Variants in MED20 observed in about 807,000 individuals in gnomAD.
MED20 encodes the protein mediator complex subunit 20.
In MED20, 19 loss-of-function variants were observed where a neutral mutation model predicts 19.7. The ratio of observed to expected loss-of-function variants is 0.96; its 90% CI spans 0.67 to 1.42. MED20 has a LOEUF of 1.42. Among genes scored for constraint, MED20 ranks in the 40% most tolerant of loss-of-function variants. The pLI, the probability that MED20 is intolerant of heterozygous loss-of-function variation, is 0.00. For synonymous variants in MED20, 105 were observed against 104.8 expected (o/e 1.00, Z -0.01); for missense variants, 225 against 273.0 (o/e 0.82, Z 1.24).
chr6:41,910,752 C>T (rs1775172920), intron 2 of MED20, among the ~76,000 whole-genome samples: 1 of 151,936 alleles, frequency 6.6e-6, no homozygotes, highest in African/African-American at 2.4e-5. Flanking sequence ...ATAAGCCATT[C>T]CCAACACTTT....
chr6:41,919,675 A>C (rs1324298921), intron 1 of MED20, among the ~76,000 whole-genome samples: 1 of 152,170 alleles, frequency 6.6e-6, no homozygotes, highest in Admixed American at 6.5e-5. Context: ...CATGTCTATA[A>C]TGCCAATACT....
chr6:41,910,163 C>A (rs947225839), intron 2 of MED20, among the ~76,000 whole-genome samples: 7 of 152,174 alleles, frequency 4.6e-5, no homozygotes, highest in Non-Finnish European at 1.0e-4. Context: ...GTCTAGCCAA[C>A]TTGGGAAGCA....
chr6:41,918,012 A>G (rs1775359566), intron 1 of MED20: 1 of 274,512 alleles, frequency 3.6e-6, no homozygotes, highest in South Asian at 3.2e-5. Flanking sequence ...GAATGGAACA[A>G]AACAAAAAAA....
At position 41,909,061 on chromosome 6, in the gene MED20, G is replaced by A. The variant is rs919870062; in HGVS notation, c.423+208C>T. 35 of 636,978 alleles carry A rather than the reference G, an allele frequency of 5.5e-5. No homozygotes were observed. In the African/African-American group the frequency reaches 5.9e-4, roughly 11 times the overall value. 39.5% of individuals were successfully genotyped at this position (636,978 alleles called of 1,614,324 possible). On this transcript the variant is annotated intron_variant, in intron 3 of 3. Coordinates refer to ENST00000265350, the MANE Select transcript of MED20 (RefSeq NM_004275.5). ...TTTAATTCGGTGGGTGTAGTCCCAG[G>A]TACTTGGGAGACTGAGGCGGAAGGA...
intron 1 of MED20, among the ~76,000 whole-genome samples, chr6:41,920,335 T>G (rs900635776): frequency 4.6e-5 from 7 of 152,170 alleles, no homozygotes; most frequent in Non-Finnish European, 8.8e-5. Context: ...CGGGTCTAAC[T>G]GTATTTGATG....
At chr6:41,909,000 T>C (rs1310219604) in intron 3 of MED20, 4 of 492,678 alleles carry the variant, frequency 8.1e-6, no homozygotes, top group Admixed American at 7.2e-5. Context: ...CTGGGCAACA[T>C]AGTAAGACCT....
chr6:41,909,600 G>C, intron 2 of MED20, 78 bp from the exon 3 acceptor site: 1 of 1,565,382 alleles, frequency 6.4e-7, no homozygotes, highest in Non-Finnish European at 8.7e-7. Flanking sequence ...GACTCCCCCC[G>C]GAATGAGGCC....
rs1390932182 is a variant in MED20, at chr6:41,907,084, A to G, written c.627T>C (p.Ala209=). The G allele has an allele frequency of 6.2e-7, 1 of 1,613,452 alleles. No individual in the cohort carries two copies. The change falls in exon 4 of 4, where the codon GCT becomes GCC. Residue 209 remains alanine (A), a synonymous_variant. Coordinates refer to ENST00000265350, the MANE Select transcript of MED20 (RefSeq NM_004275.5). The part of the protein sequence containing the change: ...KIRKQQQVPV[A]GIR Reference sequence around the variant, plus strand: ...CAGCTGCTCATCACTAACGAATCCCAGCCACCGGCACCTGCTGCTGCTTGC... The same window carrying G: ...CAGCTGCTCATCACTAACGAATCCCGGCCACCGGCACCTGCTGCTGCTTGC...
intron 2 of MED20, among the ~76,000 whole-genome samples, chr6:41,915,684 G>A (rs1295215778): frequency 6.6e-6 from 1 of 151,922 alleles, no homozygotes; most frequent in East Asian, 1.9e-4. Context: ...CTACTTGGGA[G>A]GCTGAGGCAG....
At chr6:41,909,020 T>TAA (rs374330646) in intron 3 of MED20, 631 of 438,276 alleles carry the variant, frequency 1.4e-3, no homozygotes, top group South Asian at 3.9e-3. Flanking sequence ...TCATTTCTAC[T>TAA]AAAAAAAAAA....
At position 41,909,383 on chromosome 6, in the gene MED20, C is replaced by T. The variant is rs1378632849; in HGVS notation, c.309G>A (p.Gln103=). The change falls in exon 3 of 4, where the codon CAG becomes CAA. Residue 103 remains glutamine, a synonymous_variant. Transcript: ENST00000265350. ...TCTCAATCTTGCTGGCCTTAGCACT[C>T]TGGAAAAAGCCCTTGAGCTTCACCA... The part of the protein sequence containing the change: ...VLMVKLKGFF[Q]SAKASKIETR... 1 of 1,614,094 alleles carries T rather than the reference C, an allele frequency of 6.2e-7. No homozygotes were observed. The highest frequency in any genetic ancestry group is 8.5e-7 in the Non-Finnish European group (1 of 1,180,046).
chr6:41,915,789 A>AACACACACACACACACACACACACAC (rs34924867), intron 2 of MED20, among the ~76,000 whole-genome samples: 2,749 of 148,634 alleles, frequency 0.018, 43 homozygotes, highest in Middle Eastern at 0.049. Flanking sequence ...TCCGTCTCAA[A>AACACACACACACACACACACACACAC]ACACACACAC....
intron 2 of MED20, among the ~76,000 whole-genome samples, chr6:41,915,860 T>C (rs1775303660): frequency 6.6e-6 from 1 of 152,118 alleles, no homozygotes; most frequent in South Asian, 2.1e-4. Flanking sequence ...GTACCTTGGT[T>C]TTGGTGATAG....
At chr6:41,909,020 T>TAAAA in intron 3 of MED20, 1 of 440,348 alleles carries the variant, frequency 2.3e-6, no homozygotes, top group Non-Finnish European at 4.0e-6. Context: ...TCATTTCTAC[T>TAAAA]AAAAAAAAAA....
chr6:41,912,099 A>G (rs1775208830), intron 2 of MED20, among the ~76,000 whole-genome samples: 1 of 143,344 alleles, frequency 7.0e-6, no homozygotes, highest in Non-Finnish European at 1.5e-5. Context: ...CCTAGGCTGG[A>G]GTGTAGTGGC....
At chr6:41,910,349 GGGCT>G (rs1165930757) in intron 2 of MED20, among the ~76,000 whole-genome samples, 1 of 152,160 alleles carries the variant, frequency 6.6e-6, no homozygotes, top group Non-Finnish European at 1.5e-5. Context: ...AAAGAAGGCA[GGGCT>G]GGGCACAGTG....
intron 3 of MED20, among the ~76,000 whole-genome samples, chr6:41,907,514 A>T (rs951115933): frequency 6.6e-6 from 1 of 152,126 alleles, no homozygotes; most frequent in African/African-American, 2.4e-5. Context: ...GCCAACCCGC[A>T]GCCCTCCCAG....
At position 41,910,938 on chromosome 6, in the gene MED20, G is replaced by A. The variant is rs373569010; in HGVS notation, c.170-1416C>T. Among the ~76,000 whole-genome samples the A allele has an allele frequency of 2.1e-4, 32 of 151,598 alleles. No homozygotes were observed. In the East Asian group the frequency reaches 3.4e-3, roughly 16 times the overall value. On this transcript the variant is annotated intron_variant, in intron 2 of 3. Transcript: ENST00000265350. ...AGCCTGGCCAACATGGTAAAACCTCGTGTCTACTAAAAACACAGAAATTAG... is the reference window on the plus strand; with the variant it reads ...AGCCTGGCCAACATGGTAAAACCTCATGTCTACTAAAAACACAGAAATTAG...
chr6:41,913,157 C>T (rs1775238479), intron 2 of MED20: 1 of 151,862 alleles, frequency 6.6e-6, no homozygotes, highest in Admixed American at 6.6e-5. Context: ...TGTCTACTCT[C>T]CTCCAAACTA....
Sources: gnomAD v4.1 joint callset for allele counts (sites outside exome capture counted in the v4.1 genomes callset) on GRCh38, gnomAD v4.1.1 for gene constraint, MANE v1.5 for transcripts, NCBI Gene and HGNC (gene_info 2026-07-23, HGNC 2026-07-21) for gene names.